Variants in EDA2R observed in about 807,000 individuals in gnomAD.
EDA2R encodes ectodysplasin A2 receptor, also known as tumor necrosis factor receptor superfamily member 27.
In EDA2R, 26 loss-of-function variants were observed where a neutral mutation model predicts 20.1. The ratio of observed to expected loss-of-function variants is 1.30; its 90% CI spans 0.95 to 1.80. EDA2R has a LOEUF of 1.80. EDA2R is among the 40% of genes most tolerant of loss of function. The probability of loss-of-function intolerance (pLI) is 0.00; values close to 1 mark genes in which losing one functional copy is unlikely to be tolerated. For missense variants in EDA2R, 277 were observed against 228.7 expected, an observed-to-expected ratio of 1.21 and a Z score of -1.36; for synonymous variants, 114 against 88.7, an observed-to-expected ratio of 1.29 and a Z score of -1.60.
At chrX:66,623,068 A>G (rs943575836) in intron 1 of EDA2R, among the ~76,000 whole-genome samples, 1 of 111,936 alleles carries the variant, frequency 8.9e-6, no homozygotes, top group Non-Finnish European at 1.9e-5. Flanking sequence ...GTGCCAAAAA[A>G]TAGTGACACC....
intron 5 of EDA2R, among the ~76,000 whole-genome samples, chrX:66,602,054 G>A (rs1367188108): frequency 8.9e-6 from 1 of 111,789 alleles, no homozygotes; most frequent in Non-Finnish European, 1.9e-5. Flanking sequence ...TGGACATAGG[G>A]CTTTCAGTTA....
intron 2 of EDA2R, among the ~76,000 whole-genome samples, chrX:66,611,890 A>T (rs991522671): frequency 5.4e-5 from 6 of 111,418 alleles, no homozygotes; most frequent in African/African-American, 1.6e-4. Flanking sequence ...ACATCATAAT[A>T]AAACTTCTGA....
chrX:66,624,360 A>C (rs1344454159), intron 1 of EDA2R, among the ~76,000 whole-genome samples: 4 of 111,137 alleles, frequency 3.6e-5, no homozygotes, highest in Non-Finnish European at 3.8e-5. Context: ...TTCTACTAAA[A>C]ATACAAAATT....
At chrX:66,613,789 G>A (rs769351774) in intron 2 of EDA2R, among the ~76,000 whole-genome samples, 2 of 111,850 alleles carry the variant, frequency 1.8e-5, no homozygotes, top group South Asian at 7.4e-4. Context: ...ATGTCCTGAG[G>A]AAATGGTGTT....
At chrX:66,623,661 C>T (rs1932831403) in intron 1 of EDA2R, among the ~76,000 whole-genome samples, 1 of 111,671 alleles carries the variant, frequency 9.0e-6, no homozygotes. Flanking sequence ...TGTCTTCACT[C>T]CACCCATGCT....
chrX:66,600,093 T>A, intron 5 of EDA2R: 2 of 1,153,050 alleles, frequency 1.7e-6, no homozygotes, highest in South Asian at 4.0e-5. Context: ...ATAATCAATT[T>A]CTCTAGAGAA....
chrX:66,605,677 G>T (rs992786253), intron 2 of EDA2R, among the ~76,000 whole-genome samples: 2 of 111,492 alleles, frequency 1.8e-5, no homozygotes, highest in African/African-American at 3.3e-5. Flanking sequence ...AGCTCTTAAA[G>T]TTTTCCCCAA....
At chrX:66,604,596 T>C in intron 3 of EDA2R, 90 bp from the exon 4 acceptor site, 1 of 871,900 alleles carries the variant, frequency 1.1e-6, no homozygotes, top group Non-Finnish European at 1.6e-6. Flanking sequence ...CCTAAGAATC[T>C]TGCCAACCTG....
At chrX:66,601,643 C>T (rs1054044711) in intron 5 of EDA2R, among the ~76,000 whole-genome samples, 2 of 111,305 alleles carry the variant, frequency 1.8e-5, no homozygotes, top group African/African-American at 3.3e-5. Flanking sequence ...AAAAGGAGTC[C>T]TGAGCACTCT....
At chrX:66,638,671 C>T (rs1934576100) in intron 1 of EDA2R, among the ~76,000 whole-genome samples, 1 of 111,212 alleles carries the variant, frequency 9.0e-6, no homozygotes, top group Non-Finnish European at 1.9e-5. Flanking sequence ...ACCCAGCCTC[C>T]TTCTCTTCTT....
chrX:66,616,272 G>A (rs1931667262), intron 1 of EDA2R, among the ~76,000 whole-genome samples: 1 of 112,413 alleles, frequency 8.9e-6, no homozygotes, highest in South Asian at 3.7e-4. Flanking sequence ...AAGAATTATT[G>A]TTAGCAACAT....
At chrX:66,634,885 G>T (rs1244729945) in intron 1 of EDA2R, among the ~76,000 whole-genome samples, 1 of 111,699 alleles carries the variant, frequency 9.0e-6, no homozygotes, top group Non-Finnish European at 1.9e-5. Context: ...ATTCCAAAGG[G>T]TGGGCTGGGT....
chrX:66,624,306 G>T (rs1005884880), intron 1 of EDA2R, among the ~76,000 whole-genome samples: 3 of 111,389 alleles, frequency 2.7e-5, no homozygotes, highest in Non-Finnish European at 5.7e-5. Flanking sequence ...ATCACATGAG[G>T]TCAGGAGTTC....
intron 1 of EDA2R, among the ~76,000 whole-genome samples, chrX:66,629,640 G>A (rs1224807301): frequency 1.8e-5 from 2 of 111,241 alleles, no homozygotes; most frequent in Admixed American, 1.9e-4. Context: ...AACCATGGAC[G>A]CAAAAAACCT....
intron 5 of EDA2R, among the ~76,000 whole-genome samples, chrX:66,601,470 C>T (rs1201763684): frequency 9.0e-6 from 1 of 111,566 alleles, no homozygotes; most frequent in East Asian, 2.8e-4. Flanking sequence ...CCATGAAATG[C>T]TATATTCATC....
chrX:66,633,919 G>T (rs2148056640), intron 1 of EDA2R, among the ~76,000 whole-genome samples: 1 of 111,405 alleles, frequency 9.0e-6, no homozygotes, highest in East Asian at 2.8e-4. Context: ...TATTAAGTTT[G>T]TTGGTCTTGC....
At chrX:66,626,712 G>A (rs957978855) in intron 1 of EDA2R, among the ~76,000 whole-genome samples, 5 of 104,559 alleles carry the variant, frequency 4.8e-5, no homozygotes, top group Non-Finnish European at 9.7e-5. Flanking sequence ...TAGGCACATT[G>A]TCTTCAGGTT....
Position 66,597,510 on chromosome X carries a change from C to A in EDA2R, c.*594G>T, listed in dbSNP as rs1927664393. The stretch of plus-strand genomic sequence containing the variant: ...AAATACAGGGTGAGGCCCCAGGGAT[C>A]TAGAGGGAAAGTGTTTGCCCTGCCT... On this transcript the variant is annotated 3_prime_UTR_variant, in exon 7 of 7. Transcript: ENST00000374719. The A allele has an allele frequency of 8.9e-6, 1 of 111,980 alleles. No homozygotes were observed. Among genetic ancestry groups the A allele is most frequent in the Admixed American group, 9.5e-5 (1 of 10,577 alleles). 9.2% of individuals were successfully genotyped at this position (111,980 alleles called of 1,213,427 possible). A position where few individuals can be genotyped will look rare whatever the true frequency, so the allele number is the denominator to read the frequency against.
chrX:66,598,836 C>G (rs1927940145), intron 6 of EDA2R, among the ~76,000 whole-genome samples: 1 of 111,652 alleles, frequency 9.0e-6, no homozygotes, highest in African/African-American at 3.3e-5. Flanking sequence ...GGGAATCTAC[C>G]TACTCTCCTA....
Sources: gnomAD v4.1 joint callset for allele counts (sites outside exome capture counted in the v4.1 genomes callset) on GRCh38, gnomAD v4.1.1 for gene constraint, MANE v1.5 for transcripts, NCBI Gene and HGNC (gene_info 2026-07-23, HGNC 2026-07-21) for gene names.